Variants in PVT1 observed in about 807,000 individuals in gnomAD.
PVT1 encodes the protein CXCR4/PVT1 fusion.
chr8:128,014,675 G>A (rs1373942156), intron 4 of PVT1, among the ~76,000 whole-genome samples: 1 of 152,214 alleles, frequency 6.6e-6, no homozygotes, highest in Non-Finnish European at 1.5e-5. Flanking sequence ...AAAGTAACAA[G>A]AAAGCTTTGA....
intron 5 of PVT1, among the ~76,000 whole-genome samples, chr8:128,095,519 G>A (rs2130174463): frequency 6.6e-6 from 1 of 152,312 alleles, no homozygotes; most frequent in South Asian, 2.1e-4. Flanking sequence ...CCAGGAATTG[G>A]CACACTATGG....
chr8:128,047,334 G>GTCACC (rs1259814108), intron 4 of PVT1, among the ~76,000 whole-genome samples: 4 of 152,196 alleles, frequency 2.6e-5, no homozygotes, highest in Non-Finnish European at 4.4e-5. Flanking sequence ...TCTGAACTAA[G>GTCACC]TCACCATGGG....
chr8:127,942,162 C>T (rs1305306922), intron 3 of PVT1, among the ~76,000 whole-genome samples: 2 of 152,188 alleles, frequency 1.3e-5, no homozygotes, highest in African/African-American at 2.4e-5. Context: ...CAGACACTTT[C>T]GCCTGTCAGT....
intron 3 of PVT1, chr8:127,891,033 T>G (rs1050035674): frequency 6.6e-6 from 1 of 152,638 alleles, no homozygotes; most frequent in African/African-American, 2.4e-5. Context: ...GAGGGTTCAC[T>G]GGGATGTGGC....
At chr8:128,072,273 C>A (rs1314937543) in intron 5 of PVT1, among the ~76,000 whole-genome samples, 5 of 152,156 alleles carry the variant, frequency 3.3e-5, no homozygotes, top group Non-Finnish European at 5.9e-5. Flanking sequence ...ATTCTTCTAA[C>A]ACATGACTGG....
At chr8:128,096,228 CTTAG>C (rs10609961) in intron 5 of PVT1, among the ~76,000 whole-genome samples, 8,211 of 152,248 alleles carry the variant, frequency 0.054, 581 homozygotes, top group African/African-American at 0.17. Flanking sequence ...TCTTAGACAC[CTTAG>C]TTAGCTTTAT....
chr8:128,006,592 T>C (rs1817250139), intron 4 of PVT1, among the ~76,000 whole-genome samples: 1 of 152,218 alleles, frequency 6.6e-6, no homozygotes, highest in Non-Finnish European at 1.5e-5. Flanking sequence ...AATTTTAGCA[T>C]TCGTGGATAA....
chr8:127,827,660 C>A (rs1814806095), intron 2 of PVT1, among the ~76,000 whole-genome samples: 1 of 152,210 alleles, frequency 6.6e-6, no homozygotes, highest in African/African-American at 2.4e-5. Flanking sequence ...TCCCCCAGGC[C>A]CCATGCACGG....
chr8:127,928,931 G>A (rs755292868), intron 3 of PVT1, among the ~76,000 whole-genome samples: 3 of 152,222 alleles, frequency 2.0e-5, no homozygotes, highest in Non-Finnish European at 4.4e-5. Flanking sequence ...AGGAAAGATC[G>A]CTGTGTTTGT....
Position 127,988,173 on chromosome 8 carries a change from C to T in PVT1, n.783-989C>T, listed in dbSNP as rs116523680. 7.0e-3 allele frequency among the ~76,000 whole-genome samples: 1,062 copies of T among 152,328 alleles called. 13 individuals are homozygous for T. The highest frequency in any genetic ancestry group is 0.023 in the African/African-American group (975 of 41,566). On this transcript the variant is annotated intron_variant and non_coding_transcript_variant, in intron 3 of 10. Coordinates refer to ENST00000651587, the Ensembl canonical transcript of PVT1. Reference sequence around the variant, plus strand: ...AAGTGGGGAATACAAGCCACCTGCCCGCCGTTCTTGCCTGTGGGGCAAGGA... The same window carrying T: ...AAGTGGGGAATACAAGCCACCTGCCTGCCGTTCTTGCCTGTGGGGCAAGGA...
rs192699954 is a variant in PVT1 at position 128,005,053 on chromosome 8, T to C, written n.912+15762T>C. The stretch of plus-strand genomic sequence containing the variant: ...TACTCGGGAGGCTGAGGCAGGAGAA[T>C]CGCTTGAACCTGGGAGGTGGAGGTT... On this transcript the variant is annotated intron_variant and non_coding_transcript_variant, in intron 4 of 10. Transcript: ENST00000651587. Among the ~76,000 whole-genome samples the C allele has an allele frequency of 2.4e-3, 372 of 151,922 alleles. 2 individuals carry two copies. The highest frequency in any genetic ancestry group is 8.8e-3 in the African/African-American group (363 of 41,408).
At chr8:128,029,265 G>C (rs768847607) in intron 4 of PVT1, among the ~76,000 whole-genome samples, 17 of 150,966 alleles carry the variant, frequency 1.1e-4, no homozygotes, top group Non-Finnish European at 2.2e-4. Context: ...TGGGACCACA[G>C]GTGCACACCA....
chr8:127,969,566 G>GT (rs539594563), intron 3 of PVT1, among the ~76,000 whole-genome samples: 355 of 152,292 alleles, frequency 2.3e-3, no homozygotes, highest in Non-Finnish European at 4.2e-3. Flanking sequence ...ATTCCTGTTT[G>GT]TTTCCTGTGA....
intron 2 of PVT1, among the ~76,000 whole-genome samples, chr8:127,851,273 T>G (rs1449623285): frequency 1.3e-5 from 2 of 152,142 alleles, no homozygotes; most frequent in Non-Finnish European, 2.9e-5. Flanking sequence ...TTGGAGTGGG[T>G]GCTCTTCTGA....
intron 3 of PVT1, among the ~76,000 whole-genome samples, chr8:127,896,946 C>T (rs147934099): frequency 3.3e-5 from 5 of 152,252 alleles, no homozygotes; most frequent in Admixed American, 2.0e-4. Flanking sequence ...GGGGGCTGGG[C>T]GGGCGGTGGC....
chr8:127,885,581 A>G (rs1456621621), intron 2 of PVT1, among the ~76,000 whole-genome samples: 2 of 152,024 alleles, frequency 1.3e-5, no homozygotes, highest in Non-Finnish European at 2.9e-5. Flanking sequence ...CAGCCTCATG[A>G]CCGAATCACT....
chr8:127,929,926 G>C (rs1015596071), intron 3 of PVT1, among the ~76,000 whole-genome samples: 2 of 152,178 alleles, frequency 1.3e-5, no homozygotes, highest in Non-Finnish European at 1.5e-5. Flanking sequence ...TGTTAGTTAC[G>C]TATCTGTGTC....
intron 3 of PVT1, among the ~76,000 whole-genome samples, chr8:127,973,905 G>T (rs956779603): frequency 2.0e-5 from 3 of 151,880 alleles, no homozygotes; most frequent in Admixed American, 6.6e-5. Context: ...GCGTGAACCC[G>T]GGAGGAGGAG....
intron 4 of PVT1, among the ~76,000 whole-genome samples, chr8:128,022,056 A>C (rs919470021): frequency 2.0e-5 from 3 of 152,224 alleles, no homozygotes; most frequent in African/African-American, 7.2e-5. Flanking sequence ...TGTCCCAAAA[A>C]TAAAGAAAAG....
Sources: allele counts gnomAD v4.1 joint callset (sites outside exome capture counted in the v4.1 genomes callset), GRCh38; gene constraint gnomAD v4.1.1; transcripts MANE v1.5; gene names NCBI Gene and HGNC (gene_info 2026-07-23, HGNC 2026-07-21).